MCC: variants seen among roughly 807,000 people sequenced by gnomAD.
MCC encodes the protein colorectal mutant cancer protein.
MCC carries 90 observed loss-of-function variants against 116.2 expected under a neutral mutation model. That is an observed-to-expected ratio of 0.77 (90% CI 0.65 to 0.92). MCC has a LOEUF of 0.92. MCC is among the 40% of genes least tolerant of loss of function. The pLI is 0.00. For synonymous variants in MCC, 578 were observed against 510.5 expected (o/e 1.13, Z -1.78); for missense variants, 1,516 against 1,312.2 (o/e 1.16, Z -2.40).
At chr5:113,048,064 A>G (rs1015224704) in intron 16 of MCC, among the ~76,000 whole-genome samples, 4 of 152,234 alleles carry the variant, frequency 2.6e-5, no homozygotes, top group African/African-American at 9.6e-5. Flanking sequence ...GATCTGGGCT[A>G]AATCCCAATT....
intron 3 of MCC, among the ~76,000 whole-genome samples, chr5:113,164,732 G>C (rs1760682435): frequency 6.6e-6 from 1 of 152,156 alleles, no homozygotes; most frequent in Non-Finnish European, 1.5e-5. Flanking sequence ...GGGTATCCAG[G>C]GTCACACATT....
chr5:113,352,857 G>T (rs1768311292), intron 2 of MCC, among the ~76,000 whole-genome samples: 1 of 152,064 alleles, frequency 6.6e-6, no homozygotes, highest in South Asian at 2.1e-4. Flanking sequence ...ACATCATCAG[G>T]TTACAACCCT....
At chr5:113,150,282 C>T (rs2150290660) in intron 4 of MCC, among the ~76,000 whole-genome samples, 1 of 152,226 alleles carries the variant, frequency 6.6e-6, no homozygotes, top group South Asian at 2.1e-4. Context: ...ACCCTGCCTC[C>T]TGAAAGTTCA....
chr5:113,258,834 T>G (rs1765118651), intron 3 of MCC, among the ~76,000 whole-genome samples: 1 of 152,212 alleles, frequency 6.6e-6, no homozygotes, highest in Non-Finnish European at 1.5e-5. Context: ...GAAGAACACA[T>G]AAAATATATA....
At chr5:113,462,444 C>G (rs998205996) in intron 1 of MCC, among the ~76,000 whole-genome samples, 1 of 151,892 alleles carries the variant, frequency 6.6e-6, no homozygotes, top group Non-Finnish European at 1.5e-5. Context: ...TCATTCCAGT[C>G]GAAACAACAC....
At position 113,049,294 on chromosome 5, in the gene MCC, C is replaced by T. The variant is rs776579818; in HGVS notation, c.2454G>A (p.Glu818=). Residue 818 remains glutamate (E), a synonymous_variant, in exon 16 of 19, where the codon GAG becomes GAA. Coordinates refer to ENST00000408903, the MANE Select transcript of MCC (RefSeq NM_001085377.2). ...LMQELMAMKE[E]MAELKAQLYL... ...AGAGCTGGGCCTTCAACTCGGCCAT[C>T]TCCTCCTACAGACAAAGGAGCACAG... 6.3e-7 allele frequency: 1 copy of T among 1,589,056 alleles called. No homozygotes were observed. The highest frequency in any genetic ancestry group is 1.1e-5 in the South Asian group (1 of 88,366).
chr5:113,028,336 C>T (rs1750717112), intron 18 of MCC, among the ~76,000 whole-genome samples: 1 of 151,996 alleles, frequency 6.6e-6, no homozygotes, highest in Admixed American at 6.6e-5. Flanking sequence ...ACCAGTGCCA[C>T]TTTTCTAATT....
At chr5:113,027,532 T>C in intron 18 of MCC, 50 bp from the exon 19 acceptor site, 2 of 1,537,374 alleles carry the variant, frequency 1.3e-6, no homozygotes, top group Middle Eastern at 3.4e-4. Context: ...CTAAGTAGCA[T>C]CGTGACACCA....
intron 5 of MCC, among the ~76,000 whole-genome samples, chr5:113,124,027 T>G (rs891719558): frequency 6.6e-6 from 1 of 152,170 alleles, no homozygotes; most frequent in Non-Finnish European, 1.5e-5. Context: ...AACAGAAATC[T>G]TGGTTCTCTT....
chr5:113,246,069 G>C (rs1302066570), intron 3 of MCC, among the ~76,000 whole-genome samples: 3 of 152,138 alleles, frequency 2.0e-5, no homozygotes, highest in Middle Eastern at 3.2e-3. Flanking sequence ...ATAAACTCTT[G>C]GTAGAAAAGA....
At chr5:113,457,546 T>C (rs1205622936) in intron 1 of MCC, among the ~76,000 whole-genome samples, 5 of 152,180 alleles carry the variant, frequency 3.3e-5, no homozygotes, top group South Asian at 2.1e-4. Context: ...GGCGTGGGAC[T>C]GGCAGGCAGC....
chr5:113,097,705 C>G (rs1316384154), intron 8 of MCC, among the ~76,000 whole-genome samples: 1 of 152,168 alleles, frequency 6.6e-6, no homozygotes, highest in Non-Finnish European at 1.5e-5. Context: ...TATTTAACCT[C>G]TGTAAGATCA....
chr5:113,177,982 C>T (rs991499224), intron 3 of MCC, among the ~76,000 whole-genome samples: 1 of 152,178 alleles, frequency 6.6e-6, no homozygotes, highest in Non-Finnish European at 1.5e-5. Flanking sequence ...AAGACTATTT[C>T]ACTATGTTAA....
intron 3 of MCC, among the ~76,000 whole-genome samples, chr5:113,268,827 G>A (rs777422386): frequency 5.3e-5 from 8 of 151,980 alleles, no homozygotes; most frequent in African/African-American, 1.9e-4. Flanking sequence ...GAGTTTAAGG[G>A]GAAAAACACA....
intron 3 of MCC, among the ~76,000 whole-genome samples, chr5:113,287,410 C>T (rs954209430): frequency 1.3e-5 from 2 of 152,192 alleles, no homozygotes; most frequent in South Asian, 4.1e-4. Flanking sequence ...CTCACTGCAA[C>T]CTCCACCTCC....
chr5:113,160,908 C>T (rs1760446915), intron 3 of MCC, among the ~76,000 whole-genome samples: 1 of 152,146 alleles, frequency 6.6e-6, no homozygotes, highest in Non-Finnish European at 1.5e-5. Flanking sequence ...CAAGCCCTTA[C>T]AAACACCTAA....
chr5:113,340,311 A>G (rs974998397), intron 3 of MCC, among the ~76,000 whole-genome samples: 1 of 152,188 alleles, frequency 6.6e-6, no homozygotes, highest in Admixed American at 6.5e-5. Context: ...ACCTTTTAGG[A>G]GTCTACTCTG....
intron 3 of MCC, among the ~76,000 whole-genome samples, chr5:113,198,080 C>A (rs1762501181): frequency 6.6e-6 from 1 of 152,230 alleles, no homozygotes. Context: ...AGCTGGTGCA[C>A]TGCAGGCCTT....
At chr5:113,287,057 G>A (rs781067625) in intron 3 of MCC, among the ~76,000 whole-genome samples, 1 of 152,056 alleles carries the variant, frequency 6.6e-6, no homozygotes, top group African/African-American at 2.4e-5. Context: ...AGATATCACT[G>A]TTGGGAATCC....
Sources: gnomAD v4.1 joint callset for allele counts (sites outside exome capture counted in the v4.1 genomes callset) on GRCh38, gnomAD v4.1.1 for gene constraint, MANE v1.5 for transcripts, NCBI Gene and HGNC (gene_info 2026-07-23, HGNC 2026-07-21) for gene names.